PROSER1: variants seen among roughly 807,000 people sequenced by gnomAD.
PROSER1 encodes the protein proline and serine rich 1.
Under a neutral mutation model 71.8 loss-of-function variants are expected in PROSER1, and 36 were observed. The observed-to-expected ratio is 0.50, with a 90% CI of 0.38 to 0.66. PROSER1 has a LOEUF of 0.66. PROSER1 is among the 30% of genes least tolerant of loss of function. PROSER1 has a pLI of 0.00. For synonymous variants in PROSER1, 490 were observed against 452.4 expected (o/e 1.08, Z -1.06); for missense variants, 1,107 against 1,135.0 (o/e 0.98, Z 0.35).
Position 39,022,409 on chromosome 13 carries a change from G to C in PROSER1, c.647C>G (p.Ala216Gly). The change falls in exon 9 of 13, where the codon GCT (alanine) becomes GGT (glycine). Residue 216 changes from alanine (A) to glycine (G), a missense_variant. Physicochemically the swap from Ala to Gly is moderately conservative, Grantham distance 60. Coordinates refer to ENST00000352251, the MANE Select transcript of PROSER1 (RefSeq NM_025138.5). ...CRPHATIAPS[A>G]YNNAGLVPLA... The stretch of plus-strand genomic sequence containing the variant: ...TGGTACCAGACCTGCATTGTTATAA[G>C]CACCTAAAATAAAAACACAATAGAA... The C allele has an allele frequency of 5.6e-6, 9 of 1,609,980 alleles. No individual in the cohort carries two copies. The highest frequency in any genetic ancestry group is 7.7e-6 in the Non-Finnish European group (9 of 1,176,306).
chr13:39,028,678 T>C (rs972373055), intron 4 of PROSER1, among the ~76,000 whole-genome samples: 5 of 152,192 alleles, frequency 3.3e-5, no homozygotes, highest in Non-Finnish European at 7.4e-5. Context: ...TTTTATCTTG[T>C]GCTTTAATTT....
At chr13:39,029,154 C>A in intron 4 of PROSER1, 127 bp downstream of exon 4, 1 of 555,124 alleles carries the variant, frequency 1.8e-6, no homozygotes. Context: ...ATTTGGAAAT[C>A]AGAATGTACC....
rs1260492097 is a variant in PROSER1 at position 39,037,897 on chromosome 13, G to C, written c.-655C>G. 1 of 152,560 alleles carries C rather than the reference G, an allele frequency of 6.6e-6. No homozygotes were observed. 9.5% of individuals were successfully genotyped at this position (152,560 alleles called of 1,614,324 possible). A position where few individuals can be genotyped will look rare whatever the true frequency, so the allele number is the denominator to read the frequency against. ...GCTTCCGGGAGCGGGCCGGCGGCTGGGGAGCACCAGGAGCCGGGCGAAGAG... is the reference window on the plus strand; with the variant it reads ...GCTTCCGGGAGCGGGCCGGCGGCTGCGGAGCACCAGGAGCCGGGCGAAGAG... On this transcript the variant is annotated 5_prime_UTR_variant, in exon 1 of 13. Transcript: ENST00000352251.
chr13:39,022,442 T>C (rs1870340295), intron 8 of PROSER1, 30 bp from the exon 9 acceptor site: 1 of 1,452,784 alleles, frequency 6.9e-7, no homozygotes, highest in South Asian at 1.1e-5. Flanking sequence ...GAAAAAAATA[T>C]ACCTTAGGAC....
intron 12 of PROSER1, 91 bp downstream of exon 12, chr13:39,011,992 T>C: frequency 7.6e-7 from 1 of 1,323,164 alleles, no homozygotes; most frequent in Non-Finnish European, 1.0e-6. Context: ...TTTGCCAATG[T>C]TGGGATATCG....
chr13:39,032,061 C>T (rs1309382787), intron 2 of PROSER1, among the ~76,000 whole-genome samples: 4 of 152,114 alleles, frequency 2.6e-5, no homozygotes, highest in Non-Finnish European at 4.4e-5. Flanking sequence ...CAAATGTCAG[C>T]TCAGGATTAT....
intron 2 of PROSER1, 154 bp from the exon 3 acceptor site, chr13:39,031,785 T>C: frequency 3.3e-6 from 2 of 611,346 alleles, no homozygotes; most frequent in South Asian, 2.2e-5. Context: ...AGAATAGCTA[T>C]TATATAGTTA....
In PROSER1 at chr13:39,014,281, A is replaced by C. The variant is rs1869887828; in HGVS notation, c.971T>G (p.Val324Gly). 6.2e-7 allele frequency: 1 copy of C among 1,614,042 alleles called. No individual in the cohort carries two copies. Among genetic ancestry groups the C allele is most frequent in the South Asian group, 1.1e-5 (1 of 91,076 alleles). ...PVFPGQVSSA[V>G]HTPQPSIPNP... is the part of the protein sequence containing the mutation. ...TGGTATTGATGGCTGAGGTGTGTGA[A>C]CGGCTGAGGAGACCTGCCCTGGGAA... The change falls in exon 11 of 13, where the codon GTT becomes GGT. Residue 324 changes from valine to glycine, a missense_variant. Val to Gly is a moderately radical substitution (Grantham distance 109, BLOSUM62 -3). Coordinates refer to ENST00000352251, the MANE Select transcript of PROSER1 (RefSeq NM_025138.5).
At chr13:39,028,956 C>CA (rs35534965) in intron 4 of PROSER1, 14,055 of 91,538 alleles carry the variant, frequency 0.15, 636 homozygotes, top group African/African-American at 0.23. Context: ...AGCACCTTGC[C>CA]AAAAAAAAAA....
chr13:39,037,399 A>T lies in PROSER1; in HGVS notation c.-157T>A. On this transcript the variant is annotated 5_prime_UTR_variant, in exon 1 of 13. Coordinates refer to ENST00000352251, the MANE Select transcript of PROSER1 (RefSeq NM_025138.5). ...TGCGAAGAGGTAGAGAGTATTGCAA[A>T]CTTCGCAAAAAAAATTTCTAAAAAT... 1.7e-6 allele frequency: 1 copy of T among 604,176 alleles called. No homozygotes were observed. Among genetic ancestry groups the T allele is most frequent in the Non-Finnish European group, 3.0e-6 (1 of 336,412 alleles). The allele number at this position is 604,176 out of a possible 1,614,324, so 37.4% of individuals were successfully genotyped here. A position where few individuals can be genotyped will look rare whatever the true frequency, so the allele number is the denominator to read the frequency against.
chr13:39,027,022 C>A (rs575692367), intron 5 of PROSER1, among the ~76,000 whole-genome samples: 163 of 152,190 alleles, frequency 1.1e-3, no homozygotes, highest in African/African-American at 3.7e-3. Flanking sequence ...AATGAAAAAA[C>A]ACTGTATTAG....
intron 9 of PROSER1, among the ~76,000 whole-genome samples, chr13:39,021,101 C>A (rs923355447): frequency 2.0e-5 from 3 of 152,190 alleles, no homozygotes; most frequent in African/African-American, 7.2e-5. Context: ...GGGAGACAAT[C>A]ATGCCAACTG....
chr13:39,030,659 C>T (rs926754909), intron 3 of PROSER1, among the ~76,000 whole-genome samples: 2 of 152,062 alleles, frequency 1.3e-5, no homozygotes, highest in African/African-American at 2.4e-5. Context: ...AACTGCTGGC[C>T]TCAAGCGATT....
chr13:39,022,606 A>T (rs923073397), intron 8 of PROSER1, 194 bp from the exon 9 acceptor site: 2 of 519,542 alleles, frequency 3.8e-6, no homozygotes, highest in Non-Finnish European at 6.9e-6. Context: ...TGAAACAACC[A>T]GAGATTCCTA....
At chr13:39,026,454 AGCTCAGCT>A in intron 5 of PROSER1, 67 bp from the exon 6 acceptor site, 1 of 933,956 alleles carries the variant, frequency 1.1e-6, no homozygotes, top group Admixed American at 2.4e-5. Context: ...GAACATTGGG[AGCTCAGCT>A]AAAAAAAACA....
chr13:39,029,465 T>C (rs1249720910), intron 3 of PROSER1, 90 bp from the exon 4 acceptor site: 5 of 619,298 alleles, frequency 8.1e-6, no homozygotes, highest in African/African-American at 8.0e-5. Flanking sequence ...ATGCTCTTAA[T>C]ATAAACATTT....
intron 9 of PROSER1, among the ~76,000 whole-genome samples, chr13:39,018,660 C>T (rs573166459): frequency 1.5e-3 from 228 of 150,636 alleles, no homozygotes; most frequent in African/African-American, 5.3e-3. Flanking sequence ...ACTTAGAATG[C>T]CAAAAAAAAA....
chr13:39,025,296 G>A (rs188912219), intron 6 of PROSER1, among the ~76,000 whole-genome samples: 8 of 152,166 alleles, frequency 5.3e-5, no homozygotes, highest in Admixed American at 5.2e-4. Context: ...GTGTGTCATC[G>A]CCCTAACACT....
chr13:39,027,853 C>T lies in PROSER1; in HGVS notation c.369+374G>A, dbSNP rs145090582. Among the ~76,000 whole-genome samples, 273 of 152,224 alleles carry T rather than the reference C, an allele frequency of 1.8e-3. 1 individual carries two copies. The highest frequency in any genetic ancestry group is 5.7e-3 in the African/African-American group (237 of 41,538). On this transcript the variant is annotated intron_variant, in intron 5 of 12. Coordinates refer to ENST00000352251, the MANE Select transcript of PROSER1 (RefSeq NM_025138.5). ...CTAATAAACTGGCTTTAATATTGAC[C>T]TCTTATGAATCCGATTTAAAATAAA...
Sources: allele counts gnomAD v4.1 joint callset (sites outside exome capture counted in the v4.1 genomes callset), GRCh38; gene constraint gnomAD v4.1.1; transcripts MANE v1.5; gene names NCBI Gene and HGNC (gene_info 2026-07-23, HGNC 2026-07-21).